Variants in CHST3 observed in about 807,000 individuals in gnomAD.
CHST3 encodes C6ST-1.
A neutral mutation model predicts 35.4 loss-of-function variants in CHST3; 20 were observed. The ratio of observed to expected loss-of-function variants is 0.57; its 90% confidence interval spans 0.40 to 0.82. The LOEUF (loss-of-function observed/expected upper bound fraction) is 0.82, where lower values mean the gene tolerates loss of function less well. Among genes scored for constraint, CHST3 ranks in the 40% least tolerant of loss-of-function variants. CHST3 has a pLI of 0.00. For synonymous variants in CHST3, 334 were observed against 295.9 expected (o/e 1.13, Z -1.32); for missense variants, 693 against 670.1 (o/e 1.03, Z -0.38).
At chr10:71,978,093 G>T (rs943682021) in intron 1 of CHST3, among the ~76,000 whole-genome samples, 2 of 152,210 alleles carry the variant, frequency 1.3e-5, no homozygotes, top group Admixed American at 6.5e-5. Flanking sequence ...GTACAAAGTG[G>T]CTCAGGGCTG....
At chr10:72,003,410 C>T (rs1056891112) in intron 1 of CHST3, among the ~76,000 whole-genome samples, 1 of 152,176 alleles carries the variant, frequency 6.6e-6, no homozygotes, top group Non-Finnish European at 1.5e-5. Flanking sequence ...TAGGAATAGA[C>T]TCTCCTATGC....
In CHST3 at chr10:72,008,253, G is replaced by A. The variant is rs1300984641; in HGVS notation, c.1222G>A (p.Ala408Thr). 6.3e-7 allele frequency: 1 copy of A among 1,576,870 alleles called. No individual in the cohort carries two copies. Among genetic ancestry groups the A allele is most frequent in the Non-Finnish European group, 8.6e-7 (1 of 1,161,854 alleles). ...CTGGATCCAAAAGAACACGCAGGCG[G>A]CCCACGACGGCAGCGGCATCTACTC... ...EDWIQKNTQA[A>T]HDGSGIYSTQ... The change falls in exon 3 of 3, where the codon GCC (alanine) becomes ACC (threonine). Residue 408 changes from alanine to threonine, a missense_variant. Physicochemically the swap from Ala to Thr is moderately conservative, Grantham distance 58. Transcript: ENST00000373115.
intron 1 of CHST3, among the ~76,000 whole-genome samples, chr10:71,971,937 C>T (rs1336372000): frequency 6.6e-6 from 1 of 152,238 alleles, no homozygotes; most frequent in Non-Finnish European, 1.5e-5. Flanking sequence ...AGGTCACCCA[C>T]TTGCTTTCTT....
intron 1 of CHST3, among the ~76,000 whole-genome samples, chr10:71,965,750 G>A (rs906956850): frequency 2.6e-5 from 4 of 152,192 alleles, no homozygotes; most frequent in African/African-American, 9.7e-5. Context: ...TGGACTCACT[G>A]TGCGGCAAGG....
intron 1 of CHST3, among the ~76,000 whole-genome samples, chr10:71,987,280 G>GA (rs4148956): frequency 0.048 from 6,896 of 144,912 alleles, 205 homozygotes; most frequent in Admixed American, 0.068. Flanking sequence ...GCGGGAGCAG[G>GA]AAAAAAAAAA....
chr10:72,009,617 G>A lies in CHST3; in HGVS notation c.*1146G>A, dbSNP rs1382811713. 6.6e-6 allele frequency: 1 copy of A among 152,276 alleles called. No homozygotes were observed. Among genetic ancestry groups the A allele is most frequent in the Non-Finnish European group, 1.5e-5 (1 of 68,106 alleles). The allele number at this position is 152,276 out of a possible 1,614,324, so 9.4% of individuals were successfully genotyped here. On this transcript the variant is annotated 3_prime_UTR_variant, in exon 3 of 3. Coordinates refer to ENST00000373115, the MANE Select transcript of CHST3 (RefSeq NM_004273.5). ...GGGGTAGGGCCAAGAGGAAAGTACA[G>A]AGTGCCCGTGGGGGAGAAGTCCCAC...
At chr10:72,005,302 T>TGTGC (rs1840028066) in intron 1 of CHST3, among the ~76,000 whole-genome samples, 1 of 135,068 alleles carries the variant, frequency 7.4e-6, no homozygotes, top group Non-Finnish European at 1.5e-5. Flanking sequence ...TGTGTGTGTC[T>TGTGC]GTGTGTGTGT....
At chr10:71,996,868 A>G (rs1839944416) in intron 1 of CHST3, among the ~76,000 whole-genome samples, 1 of 151,958 alleles carries the variant, frequency 6.6e-6, no homozygotes, top group Non-Finnish European at 1.5e-5. Context: ...TCTCACCCAC[A>G]GGCATTGCTG....
Position 72,008,213 on chromosome 10 carries a change from C to T in CHST3, c.1182C>T (p.Thr394=), listed in dbSNP as rs547001828. 3 of 1,554,284 alleles carry T rather than the reference C, an allele frequency of 1.9e-6. No homozygotes were observed. Among genetic ancestry groups the T allele is most frequent in the Non-Finnish European group, 2.6e-6 (3 of 1,149,086 alleles). Residue 394 remains threonine, a synonymous_variant, in exon 3 of 3, where the codon ACC becomes ACT. Coordinates refer to ENST00000373115, the MANE Select transcript of CHST3 (RefSeq NM_004273.5). ...ACCGCTTCGCCGGCATCCCCCTGAC[C>T]CCGCAGGTGGAAGACTGGATCCAAA... ...EMYRFAGIPL[T]PQVEDWIQKN...
chr10:72,000,919 T>G (rs1589506559), intron 1 of CHST3, among the ~76,000 whole-genome samples: 3 of 149,014 alleles, frequency 2.0e-5, no homozygotes, highest in Non-Finnish European at 3.0e-5. Context: ...AGGGAGGAGG[T>G]GATGCAGCAT....
At chr10:71,994,726 C>G in intron 1 of CHST3, among the ~76,000 whole-genome samples, 1 of 152,212 alleles carries the variant, frequency 6.6e-6, no homozygotes, top group Middle Eastern at 3.2e-3. Flanking sequence ...TATCTTCTTT[C>G]AATAGAAGGC....
At chr10:71,989,796 A>T (rs1839880717) in intron 1 of CHST3, among the ~76,000 whole-genome samples, 1 of 152,164 alleles carries the variant, frequency 6.6e-6, no homozygotes, top group South Asian at 2.1e-4. Flanking sequence ...GATATCCAGC[A>T]TTTGCATGGA....
At chr10:71,974,391 G>C (rs992174224) in intron 1 of CHST3, among the ~76,000 whole-genome samples, 4 of 152,192 alleles carry the variant, frequency 2.6e-5, no homozygotes, top group Non-Finnish European at 1.5e-5. Context: ...CAGTCAGGGA[G>C]AGTCAGAGCC....
chr10:72,000,795 C>A (rs144074766), intron 1 of CHST3, among the ~76,000 whole-genome samples: 91 of 151,962 alleles, frequency 6.0e-4, no homozygotes, highest in African/African-American at 2.2e-3. Flanking sequence ...CTCAGGTGTT[C>A]CCCTGTCTGG....
chr10:71,970,063 C>T (rs1317530223), intron 1 of CHST3, among the ~76,000 whole-genome samples: 3 of 152,206 alleles, frequency 2.0e-5, no homozygotes, highest in Admixed American at 1.3e-4. Flanking sequence ...TGGGGTGGCC[C>T]CTGGCAGGCC....
intron 1 of CHST3, among the ~76,000 whole-genome samples, chr10:71,998,805 C>T (rs1302806159): frequency 1.3e-5 from 2 of 152,164 alleles, no homozygotes; most frequent in Non-Finnish European, 2.9e-5. Context: ...AATCAAAGAT[C>T]GGTTCTTTCT....
At chr10:71,988,831 C>T (rs1318333780) in intron 1 of CHST3, among the ~76,000 whole-genome samples, 1 of 152,124 alleles carries the variant, frequency 6.6e-6, no homozygotes, top group Non-Finnish European at 1.5e-5. Context: ...CTCCAGGCTG[C>T]CAATTACCAA....
At chr10:71,994,281 A>T (rs1425570892) in intron 1 of CHST3, among the ~76,000 whole-genome samples, 4 of 151,304 alleles carry the variant, frequency 2.6e-5, no homozygotes, top group African/African-American at 4.9e-5. Flanking sequence ...AAAAAAAAAA[A>T]TTAATTAATT....
At chr10:71,990,239 G>A (rs986289534) in intron 1 of CHST3, among the ~76,000 whole-genome samples, 3 of 152,198 alleles carry the variant, frequency 2.0e-5, no homozygotes, top group African/African-American at 4.8e-5. Context: ...AGGCTGGGAA[G>A]TCCAAAATCA....
Sources: gnomAD v4.1 joint callset for allele counts (sites outside exome capture counted in the v4.1 genomes callset) on GRCh38, gnomAD v4.1.1 for gene constraint, MANE v1.5 for transcripts, NCBI Gene and HGNC (gene_info 2026-07-23, HGNC 2026-07-21) for gene names.